Variants in GBE1 observed in about 807,000 individuals in gnomAD.
GBE1 encodes the protein 1,4-alpha-glucan-branching enzyme.
In GBE1, 70 loss-of-function variants were observed where a neutral mutation model predicts 88.8. The ratio of observed to expected loss-of-function variants is 0.79; its 90% CI spans 0.65 to 0.96. The LOEUF is 0.96. Ranked by LOEUF, GBE1 falls within the 40% of genes least tolerant of loss-of-function variation. The probability of loss-of-function intolerance (pLI) is 0.00; values close to 1 mark genes in which losing one functional copy is unlikely to be tolerated. For synonymous variants in GBE1, 284 were observed against 300.1 expected, an observed-to-expected ratio of 0.95 and a Z score of 0.56; for missense variants, 872 against 871.0, an observed-to-expected ratio of 1.00 and a Z score of -0.01.
rs749994943 is a variant in GBE1, at chr3:81,535,219, C to T, written c.1910G>A (p.Arg637Gln). ...FHPSKSYTDYRVGTALPGKFK... is the reference protein window; with the variant it reads ...FHPSKSYTDYQVGTALPGKFK... ...TTTCCCTGGCAATGCTGTTCCAACT[C>T]GGTAGTCAGTGTAGCTCTTGCTTGG... The change falls in exon 14 of 16, where the codon CGA (arginine) becomes CAA (glutamine). Residue 637 changes from arginine (R) to glutamine (Q), a missense_variant. Transcript: ENST00000429644. 8.1e-6 allele frequency: 13 copies of T among 1,610,362 alleles called. No individual in the cohort carries two copies. Among genetic ancestry groups the T allele is most frequent in the South Asian group, 4.4e-5 (4 of 90,688 alleles).
At position 81,490,304 on chromosome 3, in the gene GBE1, G is replaced by A; in HGVS notation, c.*103C>T. Reference sequence around the variant, plus strand: ...TTTCAGACACTTGATGGCTTGGCTAGACAACTGTATTCTGAAAAGCATACA... The same window carrying A: ...TTTCAGACACTTGATGGCTTGGCTAAACAACTGTATTCTGAAAAGCATACA... On this transcript the variant is annotated 3_prime_UTR_variant, in exon 16 of 16. Coordinates refer to ENST00000429644, the MANE Select transcript of GBE1 (RefSeq NM_000158.4). 1 of 978,938 alleles carries A rather than the reference G, an allele frequency of 1.0e-6. No homozygotes were observed. Among genetic ancestry groups the A allele is most frequent in the Non-Finnish European group, 1.6e-6 (1 of 618,670 alleles). The allele number at this position is 978,938 out of a possible 1,614,324, so 60.6% of individuals were successfully genotyped here.
intron 12 of GBE1, among the ~76,000 whole-genome samples, chr3:81,572,561 ATTC>A (rs1703589201): frequency 6.6e-6 from 1 of 152,174 alleles, no homozygotes; most frequent in African/African-American, 2.4e-5. Flanking sequence ...TAGTTAGCAG[ATTC>A]TTAAAATTAC....
At chr3:81,537,125 C>A in intron 12 of GBE1, 30 bp from the exon 13 acceptor site, 2 of 1,285,078 alleles carry the variant, frequency 1.6e-6, no homozygotes, top group Admixed American at 3.4e-5. Context: ...CAAATATCAG[C>A]CTATTAATAT....
intron 3 of GBE1, among the ~76,000 whole-genome samples, chr3:81,657,460 C>T (rs769009558): frequency 2.0e-5 from 3 of 151,956 alleles, no homozygotes; most frequent in East Asian, 3.9e-4. Context: ...CACTCTTCAT[C>T]GTAACTGCTA....
chr3:81,701,496 C>A (rs1705684837), intron 2 of GBE1, among the ~76,000 whole-genome samples: 1 of 151,690 alleles, frequency 6.6e-6, no homozygotes, highest in Non-Finnish European at 1.5e-5. Context: ...AATAAAAAGA[C>A]CTTTGCAAAT....
intron 7 of GBE1, 117 bp from the exon 8 acceptor site, chr3:81,594,140 C>T (rs889785631): frequency 1.1e-4 from 58 of 516,708 alleles, no homozygotes; most frequent in Non-Finnish European, 1.8e-4. Flanking sequence ...TCATAATGTT[C>T]AAGAAACATA....
chr3:81,719,568 T>A (rs1304697524), intron 1 of GBE1, among the ~76,000 whole-genome samples: 1 of 152,180 alleles, frequency 6.6e-6, no homozygotes, highest in Non-Finnish European at 1.5e-5. Flanking sequence ...ATGATTTTAA[T>A]TGCCCAGAGA....
At chr3:81,561,880 C>T (rs1703423205) in intron 12 of GBE1, among the ~76,000 whole-genome samples, 1 of 152,068 alleles carries the variant, frequency 6.6e-6, no homozygotes, top group Non-Finnish European at 1.5e-5. Context: ...TGGGACTACA[C>T]AGAGGATCAG....
intron 11 of GBE1, among the ~76,000 whole-genome samples, chr3:81,578,448 A>G (rs1211160861): frequency 6.6e-6 from 1 of 151,638 alleles, no homozygotes; most frequent in African/African-American, 2.4e-5. Flanking sequence ...GATTTTTAAA[A>G]TAGATTGTAT....
At chr3:81,513,910 A>G (rs1011669914) in intron 14 of GBE1, among the ~76,000 whole-genome samples, 1 of 151,688 alleles carries the variant, frequency 6.6e-6, no homozygotes, top group Non-Finnish European at 1.5e-5. Flanking sequence ...TGAACCTCAG[A>G]TAGTCAATAT....
At chr3:81,602,975 C>A (rs1704053409) in intron 7 of GBE1, among the ~76,000 whole-genome samples, 1 of 152,128 alleles carries the variant, frequency 6.6e-6, no homozygotes, top group Non-Finnish European at 1.5e-5. Flanking sequence ...TCGTCTTCAG[C>A]CCAGACTCTG....
At chr3:81,579,115 G>A (rs1269108372) in intron 11 of GBE1, among the ~76,000 whole-genome samples, 1 of 151,860 alleles carries the variant, frequency 6.6e-6, no homozygotes, top group Non-Finnish European at 1.5e-5. Context: ...CATAGATAAA[G>A]CTTATTCTCA....
At chr3:81,682,254 G>A (rs1705356791) in intron 2 of GBE1, among the ~76,000 whole-genome samples, 1 of 152,088 alleles carries the variant, frequency 6.6e-6, no homozygotes, top group Admixed American at 6.5e-5. Context: ...CTTGAGGCCA[G>A]GAATTCAAGA....
At chr3:81,578,860 T>C (rs1703684070) in intron 11 of GBE1, among the ~76,000 whole-genome samples, 2 of 152,050 alleles carry the variant, frequency 1.3e-5, no homozygotes, top group African/African-American at 4.8e-5. Flanking sequence ...ATAATCTCAG[T>C]ACCCTATTAC....
intron 7 of GBE1, among the ~76,000 whole-genome samples, chr3:81,625,527 C>T (rs1411959375): frequency 2.0e-5 from 3 of 152,086 alleles, no homozygotes; most frequent in Non-Finnish European, 4.4e-5. Context: ...CAGCCTCGGA[C>T]TCTTGGGCTC....
chr3:81,703,213 T>C (rs1576205689), intron 2 of GBE1, among the ~76,000 whole-genome samples: 1 of 152,110 alleles, frequency 6.6e-6, no homozygotes, highest in East Asian at 1.9e-4. Flanking sequence ...TTAGAGAAGA[T>C]GGGGAAATAT....
At chr3:81,738,265 C>G (rs1268316391) in intron 1 of GBE1, among the ~76,000 whole-genome samples, 2 of 150,904 alleles carry the variant, frequency 1.3e-5, no homozygotes, top group African/African-American at 2.4e-5. Flanking sequence ...TGGGTATATA[C>G]CCAGTAATGG....
chr3:81,544,546 T>C (rs761339432), intron 12 of GBE1, among the ~76,000 whole-genome samples: 32 of 152,190 alleles, frequency 2.1e-4, no homozygotes, highest in Non-Finnish European at 4.0e-4. Flanking sequence ...TGGGTGCTTC[T>C]AGAAATGAGA....
intron 12 of GBE1, 62 bp from the exon 13 acceptor site, chr3:81,537,157 A>G (rs1703089140): frequency 2.0e-6 from 2 of 994,102 alleles, no homozygotes; most frequent in Non-Finnish European, 2.8e-6. Flanking sequence ...ACTAATAATA[A>G]ATCAATAATT....
Sources: allele counts gnomAD v4.1 joint callset (sites outside exome capture counted in the v4.1 genomes callset), GRCh38; gene constraint gnomAD v4.1.1; transcripts MANE v1.5; gene names NCBI Gene and HGNC (gene_info 2026-07-23, HGNC 2026-07-21).